The following RALYL variants were observed in gnomAD, a reference collection of about 807,000 sequenced individuals.
RALYL encodes RNA-binding Raly-like protein.
In RALYL, 29 loss-of-function variants were observed where a neutral mutation model predicts 35.1. The observed-to-expected ratio is 0.83, with a 90% CI of 0.61 to 1.13. The LOEUF (loss-of-function observed/expected upper bound fraction) is 1.13. RALYL is among the 50% of genes most tolerant of loss of function. The pLI, the probability that RALYL is intolerant of heterozygous loss-of-function variation, is 0.00. For missense variants in RALYL, 359 were observed against 360.4 expected, an observed-to-expected ratio of 1.00 and a Z score of 0.03; for synonymous variants, 120 against 127.6, an observed-to-expected ratio of 0.94 and a Z score of 0.40.
intron 2 of RALYL, among the ~76,000 whole-genome samples, chr8:84,609,998 T>C (rs1817945047): frequency 6.6e-6 from 1 of 152,000 alleles, no homozygotes; most frequent in Non-Finnish European, 1.5e-5. Flanking sequence ...GAGAACAACA[T>C]ACGAAAGACC....
At chr8:84,814,279 T>C (rs937437231) in intron 4 of RALYL, among the ~76,000 whole-genome samples, 1 of 152,186 alleles carries the variant, frequency 6.6e-6, no homozygotes, top group African/African-American at 2.4e-5. Context: ...TTATAGGCAG[T>C]GCTTTGAGTT....
chr8:84,769,268 C>T (rs915355695), intron 2 of RALYL, among the ~76,000 whole-genome samples: 1 of 152,102 alleles, frequency 6.6e-6, no homozygotes, highest in African/African-American at 2.4e-5. Flanking sequence ...CTAAGTCATA[C>T]AAGAGTCACT....
intron 2 of RALYL, among the ~76,000 whole-genome samples, chr8:84,732,668 T>TTATATATATATGTATA (rs780316979): frequency 0.015 from 1,963 of 132,390 alleles, 95 homozygotes; most frequent in African/African-American, 0.06. Context: ...TATTAAATAA[T>TTATATATATATGTATA]TATATATATA....
intron 1 of RALYL, among the ~76,000 whole-genome samples, chr8:84,505,096 G>A (rs2057047908): frequency 6.6e-6 from 1 of 152,068 alleles, no homozygotes; most frequent in African/African-American, 2.4e-5. Flanking sequence ...GCAGAAAGGG[G>A]AGTCAGATGC....
At chr8:84,207,586 G>T (rs1215150000) in intron 1 of RALYL, among the ~76,000 whole-genome samples, 1 of 151,890 alleles carries the variant, frequency 6.6e-6, no homozygotes, top group Non-Finnish European at 1.5e-5. Flanking sequence ...GGGAGATGTT[G>T]GTCAAAGGTA....
chr8:84,185,122 T>C, intron 1 of RALYL: 1 of 1,151,992 alleles, frequency 8.7e-7, no homozygotes. Context: ...TTTAAGTGCC[T>C]GCTGGTGTCG....
chr8:84,336,273 G>C (rs1847786017), intron 1 of RALYL, among the ~76,000 whole-genome samples: 1 of 152,124 alleles, frequency 6.6e-6, no homozygotes, highest in Non-Finnish European at 1.5e-5. Flanking sequence ...CTGGAGCTGA[G>C]ACGGTTTTTC....
intron 2 of RALYL, among the ~76,000 whole-genome samples, chr8:84,719,913 T>G (rs117739430): frequency 6.6e-6 from 1 of 152,144 alleles, no homozygotes; most frequent in Non-Finnish European, 1.5e-5. Flanking sequence ...TCTCTCATTA[T>G]ACCCCAGCCC....
At chr8:84,377,901 C>G (rs1414829324) in intron 1 of RALYL, among the ~76,000 whole-genome samples, 1 of 151,754 alleles carries the variant, frequency 6.6e-6, no homozygotes, top group African/African-American at 2.4e-5. Flanking sequence ...TGTCAATGTT[C>G]ACCATCATGA....
At chr8:84,875,109 T>G (rs1586903935) in intron 7 of RALYL, among the ~76,000 whole-genome samples, 1 of 152,124 alleles carries the variant, frequency 6.6e-6, no homozygotes, top group Non-Finnish European at 1.5e-5. Context: ...AAAAAATAGA[T>G]TTTAGAAAGT....
chr8:84,393,558 GGA>G (rs1376068036), intron 1 of RALYL, among the ~76,000 whole-genome samples: 1 of 152,008 alleles, frequency 6.6e-6, no homozygotes, highest in Non-Finnish European at 1.5e-5. Context: ...ATCAGGAGGA[GGA>G]GACCACTGGC....
intron 1 of RALYL, among the ~76,000 whole-genome samples, chr8:84,498,406 A>G (rs1041420710): frequency 1.3e-5 from 2 of 152,112 alleles, no homozygotes; most frequent in African/African-American, 4.8e-5. Context: ...AATAATAACC[A>G]TTATTCATAA....
chr8:84,555,164 A>C (rs1046448944), intron 2 of RALYL, among the ~76,000 whole-genome samples: 1 of 152,178 alleles, frequency 6.6e-6, no homozygotes, highest in Non-Finnish European at 1.5e-5. Context: ...CTGTAATCCC[A>C]GCTACTCAGG....
intron 1 of RALYL, among the ~76,000 whole-genome samples, chr8:84,447,752 G>C (rs958091614): frequency 6.6e-6 from 1 of 152,054 alleles, no homozygotes; most frequent in Admixed American, 6.6e-5. Context: ...AGGCAGATGT[G>C]ACAAAGTAAC....
chr8:84,598,425 G>GT (rs1407111326), intron 2 of RALYL, among the ~76,000 whole-genome samples: 1 of 152,136 alleles, frequency 6.6e-6, no homozygotes, highest in Non-Finnish European at 1.5e-5. Context: ...CCTCCATGCA[G>GT]AATAGTAAGT....
chr8:84,310,551 C>A (rs1477064994), intron 1 of RALYL, among the ~76,000 whole-genome samples: 1 of 151,458 alleles, frequency 6.6e-6, no homozygotes, highest in South Asian at 2.1e-4. Context: ...GGATTAAAGG[C>A]AGGAAGGAAG....
At chr8:84,313,746 G>A (rs537963615) in intron 1 of RALYL, among the ~76,000 whole-genome samples, 17 of 152,236 alleles carry the variant, frequency 1.1e-4, no homozygotes, top group African/African-American at 2.6e-4. Flanking sequence ...TTCATTGTCC[G>A]TATTACTATC....
chr8:84,548,862 T>C (rs1188122449), intron 2 of RALYL, among the ~76,000 whole-genome samples: 1 of 152,192 alleles, frequency 6.6e-6, no homozygotes, highest in Non-Finnish European at 1.5e-5. Flanking sequence ...CTTTTCACTG[T>C]GATGTTTCGC....
chr8:84,316,073 A>C (rs1586215259), intron 1 of RALYL, among the ~76,000 whole-genome samples: 1 of 152,220 alleles, frequency 6.6e-6, no homozygotes, highest in East Asian at 1.9e-4. Context: ...TTATTAACTT[A>C]GATTCAGATA....
Sources: allele counts gnomAD v4.1 joint callset (sites outside exome capture counted in the v4.1 genomes callset), GRCh38; gene constraint gnomAD v4.1.1; transcripts MANE v1.5; gene names NCBI Gene and HGNC (gene_info 2026-07-23, HGNC 2026-07-21).